The following CDH13 variants were observed in gnomAD, a reference collection of about 807,000 sequenced individuals.
The protein encoded by CDH13 is cadherin-13.
In CDH13, 24 loss-of-function variants were observed where a neutral mutation model predicts 63.8. The observed-to-expected ratio is 0.38, with a 90% CI of 0.27 to 0.53. The LOEUF is 0.53. Ranked by LOEUF, CDH13 falls within the 20% of genes least tolerant of loss-of-function variation. CDH13 has a pLI of 0.85. For synonymous variants in CDH13, 503 were observed against 355.3 expected, an observed-to-expected ratio of 1.42 and a Z score of -4.67; for missense variants, 1,049 against 903.1, an observed-to-expected ratio of 1.16 and a Z score of -2.07.
At chr16:82,936,989 C>T (rs570512798) in intron 2 of CDH13, among the ~76,000 whole-genome samples, 22 of 152,152 alleles carry the variant, frequency 1.4e-4, no homozygotes, top group Non-Finnish European at 2.5e-4. Context: ...CTCAGCACGA[C>T]ATCAGCACAA....
chr16:83,356,734 G>T (rs893928169), intron 6 of CDH13, among the ~76,000 whole-genome samples: 1 of 152,150 alleles, frequency 6.6e-6, no homozygotes, highest in South Asian at 2.1e-4. Context: ...TCAATGGGAA[G>T]AGGGTATATA....
intron 8 of CDH13, among the ~76,000 whole-genome samples, chr16:83,628,613 C>T (rs1910526415): frequency 6.6e-6 from 1 of 152,158 alleles, no homozygotes; most frequent in African/African-American, 2.4e-5. Flanking sequence ...AAGCTCTTCC[C>T]AGTCTGTAGT....
In CDH13 at chr16:83,104,683, C is replaced by T. The variant is rs571083529; in HGVS notation, c.367-20702C>T. ...TAAATATTGTGAATAACTCCCCAAG[C>T]CGAATAATGTTGAATTTCAGTCGTA... On this transcript the variant is annotated intron_variant, in intron 3 of 13. Transcript: ENST00000567109. Among the ~76,000 whole-genome samples the T allele has an allele frequency of 6.6e-5, 10 of 152,088 alleles. No individual in the cohort carries two copies. In the East Asian group the frequency reaches 1.7e-3, roughly 26 times the overall value.
At chr16:83,658,632 T>C (rs2150833061) in intron 8 of CDH13, among the ~76,000 whole-genome samples, 1 of 147,888 alleles carries the variant, frequency 6.8e-6, no homozygotes, top group Non-Finnish European at 1.5e-5. Context: ...ACCAGCAAGG[T>C]CTCATGTCCT....
chr16:83,489,879 C>T (rs2073971152), intron 7 of CDH13, among the ~76,000 whole-genome samples: 1 of 152,096 alleles, frequency 6.6e-6, no homozygotes, highest in South Asian at 2.1e-4. Context: ...TGAGATGATT[C>T]AAGTTGATTT....
intron 6 of CDH13, among the ~76,000 whole-genome samples, chr16:83,439,386 G>T (rs2072418704): frequency 6.6e-6 from 1 of 152,222 alleles, no homozygotes; most frequent in Admixed American, 6.5e-5. Context: ...ATATACTATA[G>T]GGAACTATGG....
At chr16:83,623,695 C>T (rs12446958) in intron 8 of CDH13, among the ~76,000 whole-genome samples, 49,093 of 152,052 alleles carry the variant, frequency 0.32, 8,168 homozygotes, top group Middle Eastern at 0.38. Context: ...ATAATAACCA[C>T]GCACTGGCCT....
chr16:83,690,420 T>G (rs1388069083), intron 10 of CDH13, among the ~76,000 whole-genome samples: 2 of 151,634 alleles, frequency 1.3e-5, no homozygotes, highest in East Asian at 3.9e-4. Flanking sequence ...CTATCCCGGG[T>G]GGAGAGGTCC....
chr16:82,706,036 T>C (rs2031459924), intron 1 of CDH13, among the ~76,000 whole-genome samples: 1 of 152,070 alleles, frequency 6.6e-6, no homozygotes, highest in Non-Finnish European at 1.5e-5. Context: ...TTATTCTGTC[T>C]TCCCTCCCTT....
chr16:83,593,195 G>C (rs112653645), intron 7 of CDH13, among the ~76,000 whole-genome samples: 69 of 152,286 alleles, frequency 4.5e-4, no homozygotes, highest in African/African-American at 1.6e-3. Flanking sequence ...CAGCTGATCG[G>C]GACAAAGCTA....
chr16:83,058,640 A>G (rs576634291), intron 3 of CDH13, among the ~76,000 whole-genome samples: 1 of 152,222 alleles, frequency 6.6e-6, no homozygotes, highest in Admixed American at 6.5e-5. Context: ...TGATGTTCCC[A>G]TACTGATGTT....
chr16:83,291,119 A>G (rs1233366824), intron 5 of CDH13, among the ~76,000 whole-genome samples: 1 of 152,170 alleles, frequency 6.6e-6, no homozygotes, highest in Non-Finnish European at 1.5e-5. Context: ...TACCAACCTG[A>G]TCTCATTCAT....
chr16:83,300,383 C>T (rs1164381450), intron 5 of CDH13, among the ~76,000 whole-genome samples: 1 of 152,214 alleles, frequency 6.6e-6, no homozygotes, highest in Non-Finnish European at 1.5e-5. Flanking sequence ...AGCTTTGCAG[C>T]TTACAACATA....
At chr16:83,594,134 C>A (rs1415272105) in intron 7 of CDH13, among the ~76,000 whole-genome samples, 1 of 152,208 alleles carries the variant, frequency 6.6e-6, no homozygotes, top group Non-Finnish European at 1.5e-5. Flanking sequence ...TGGCTGTTGG[C>A]AGCATGGTTG....
chr16:83,364,570 T>C (rs2091223810), intron 6 of CDH13, among the ~76,000 whole-genome samples: 1 of 152,216 alleles, frequency 6.6e-6, no homozygotes, highest in Non-Finnish European at 1.5e-5. Context: ...AAGAGGTGAC[T>C]TTAAACTCAT....
intron 1 of CDH13, among the ~76,000 whole-genome samples, chr16:82,645,167 G>A (rs181244134): frequency 8.7e-4 from 132 of 152,200 alleles, no homozygotes; most frequent in Non-Finnish European, 1.4e-3. Context: ...TACGGGCTTC[G>A]ACGGGGCCCT....
intron 7 of CDH13, among the ~76,000 whole-genome samples, chr16:83,566,900 A>C (rs1045769232): frequency 6.6e-5 from 10 of 152,336 alleles, no homozygotes; most frequent in Middle Eastern, 3.4e-3. Context: ...GAAGAAACAC[A>C]GTGAAAGAGG....
At chr16:83,648,958 C>G (rs951398784) in intron 8 of CDH13, among the ~76,000 whole-genome samples, 3 of 152,232 alleles carry the variant, frequency 2.0e-5, no homozygotes, top group Non-Finnish European at 4.4e-5. Flanking sequence ...CACACATACA[C>G]CACCTACTAT....
intron 1 of CDH13, among the ~76,000 whole-genome samples, chr16:82,833,644 T>A (rs2038641176): frequency 6.6e-6 from 1 of 152,228 alleles, no homozygotes; most frequent in African/African-American, 2.4e-5. Flanking sequence ...TGTTCTTCCA[T>A]CTGTCCAGGT....
Sources: allele counts gnomAD v4.1 joint callset (sites outside exome capture counted in the v4.1 genomes callset), GRCh38; gene constraint gnomAD v4.1.1; transcripts MANE v1.5; gene names NCBI Gene and HGNC (gene_info 2026-07-23, HGNC 2026-07-21).